The following TNKS variants were observed in gnomAD, a reference collection of about 807,000 sequenced individuals.
The protein encoded by TNKS is poly [ADP-ribose] polymerase tankyrase-1.
Under a neutral mutation model 135.8 loss-of-function variants are expected in TNKS, and 72 were observed. That is an observed-to-expected ratio of 0.53 (90% confidence interval 0.44 to 0.64). The LOEUF (loss-of-function observed/expected upper bound fraction) is 0.64. TNKS is among the 30% of genes least tolerant of loss of function. The pLI is 0.00. For synonymous variants in TNKS, 849 were observed against 649.3 expected (o/e 1.31, Z -4.68); for missense variants, 1,769 against 1,674.0 (o/e 1.06, Z -0.99).
chr8:9,629,133 G>C (rs1800182858), intron 3 of TNKS, among the ~76,000 whole-genome samples: 1 of 152,186 alleles, frequency 6.6e-6, no homozygotes, highest in East Asian at 1.9e-4. Flanking sequence ...TGACCTGTTT[G>C]TTTCTGGCCT....
At chr8:9,762,205 C>G (rs1272072664) in intron 21 of TNKS, among the ~76,000 whole-genome samples, 2 of 149,448 alleles carry the variant, frequency 1.3e-5, no homozygotes, top group Non-Finnish European at 3.0e-5. Flanking sequence ...TTACAAGCCT[C>G]TTTCCCCTCT....
rs565472539 is a variant in TNKS at position 9,772,419 on chromosome 8, A to G, written c.3897+2157A>G. 1.2e-4 allele frequency: 54 copies of G among 455,674 alleles called. No individual in the cohort carries two copies. The Middle Eastern group carries it at 2.9e-3, about 25-fold the overall frequency. The allele number at this position is 455,674 out of a possible 1,614,324, so 28.2% of individuals were successfully genotyped here. On this transcript the variant is annotated intron_variant, in intron 26 of 26. Coordinates refer to ENST00000310430, the MANE Select transcript of TNKS (RefSeq NM_003747.3). The stretch of plus-strand genomic sequence containing the variant: ...TCTGCAGCATTCCAGCCAAAAATAC[A>G]TGATGTAAGTCTAATCAAAATGAGG...
intron 2 of TNKS, among the ~76,000 whole-genome samples, chr8:9,589,664 A>G (rs774059171): frequency 6.6e-6 from 1 of 152,230 alleles, no homozygotes; most frequent in African/African-American, 2.4e-5. Context: ...CTCGGGCCTC[A>G]CCACTATACA....
At chr8:9,775,055 C>A (rs1238361745) in intron 26 of TNKS, among the ~76,000 whole-genome samples, 1 of 152,092 alleles carries the variant, frequency 6.6e-6, no homozygotes, top group Admixed American at 6.6e-5. Context: ...GTGGTAGATG[C>A]TCAATACACG....
chr8:9,761,040 A>G (rs185979309), intron 20 of TNKS, among the ~76,000 whole-genome samples: 5 of 152,286 alleles, frequency 3.3e-5, no homozygotes, highest in African/African-American at 1.2e-4. Context: ...AGCACTGAGA[A>G]GTTCTTCCTT....
At chr8:9,718,614 T>C (rs1804722038) in intron 11 of TNKS, among the ~76,000 whole-genome samples, 1 of 152,180 alleles carries the variant, frequency 6.6e-6, no homozygotes. Context: ...GTAAAGTCAT[T>C]TTTGCTGCTC....
Position 9,556,327 on chromosome 8 carries a change from T to C in TNKS, c.388T>C (p.Ser130Pro). The change falls in exon 1 of 27, where the codon TCG (serine) becomes CCG (proline). Residue 130 changes from serine to proline, a missense_variant. Physicochemically the swap from Ser to Pro is moderately conservative, Grantham distance 74. Coordinates refer to ENST00000310430, the MANE Select transcript of TNKS (RefSeq NM_003747.3). ...PAGSGSNNSP[S>P]SSSSPTSSSS... ...CGGCAGTGGCAGTAACAATTCACCG[T>C]CGTCCTCTTCTTCCCCGACTTCTTC... 1 of 1,614,238 alleles carries C rather than the reference T, an allele frequency of 6.2e-7. No individual in the cohort carries two copies. Among genetic ancestry groups the C allele is most frequent in the African/African-American group, 1.3e-5 (1 of 75,062 alleles).
At position 9,751,821 on chromosome 8, in the gene TNKS, G is replaced by A. The variant is rs13265931; in HGVS notation, c.3045G>A (p.Ala1015=). The A allele has an allele frequency of 0.17, 271,962 of 1,613,732 alleles. 24,225 individuals carry two copies. The highest frequency in any genetic ancestry group is 0.17 in the Non-Finnish European group (205,756 of 1,179,826). Residue 1015 remains alanine (A), a synonymous_variant, in exon 19 of 27, where the codon GCG becomes GCA. Transcript: ENST00000310430. Reference sequence around the variant, plus strand: ...CCTCCAATGCAGGGGATGGCGCCGCGGGAACAGAAAGGAAGGAAGGAGAAG... The same window carrying A: ...CCTCCAATGCAGGGGATGGCGCCGCAGGAACAGAAAGGAAGGAAGGAGAAG... ...GGASNAGDGA[A]GTERKEGEVA... is the part of the protein sequence containing the mutation.
At chr8:9,700,237 G>A (rs769384033) in intron 5 of TNKS, among the ~76,000 whole-genome samples, 1 of 152,042 alleles carries the variant, frequency 6.6e-6, no homozygotes, top group Non-Finnish European at 1.5e-5. Context: ...GTAGACTTCT[G>A]TTTCCTCATC....
chr8:9,740,618 T>C (rs1461811213), intron 17 of TNKS, among the ~76,000 whole-genome samples: 2 of 152,076 alleles, frequency 1.3e-5, no homozygotes, highest in Admixed American at 6.6e-5. Context: ...ATTTAATGAG[T>C]GTTAGTACTG....
At chr8:9,752,489 T>G in intron 19 of TNKS, 55 bp from the exon 20 acceptor site, 1 of 1,388,258 alleles carries the variant, frequency 7.2e-7, no homozygotes, top group Non-Finnish European at 1.0e-6. Context: ...ATACTGAAAT[T>G]TTCTTTATAT....
chr8:9,602,345 A>G (rs1240610937), intron 2 of TNKS, among the ~76,000 whole-genome samples: 1 of 152,210 alleles, frequency 6.6e-6, no homozygotes, highest in Non-Finnish European at 1.5e-5. Flanking sequence ...AAAGGGCCAA[A>G]GGACTGCACT....
chr8:9,701,521 A>G (rs904032532), intron 5 of TNKS, among the ~76,000 whole-genome samples: 5 of 152,236 alleles, frequency 3.3e-5, no homozygotes, highest in African/African-American at 1.2e-4. Flanking sequence ...ACTGCAATGA[A>G]AAGTCCAATT....
At chr8:9,613,834 ACAGT>A (rs1396789439) in intron 2 of TNKS, among the ~76,000 whole-genome samples, 5 of 152,238 alleles carry the variant, frequency 3.3e-5, no homozygotes, top group African/African-American at 7.2e-5. Context: ...CTTTGGAGAA[ACAGT>A]CAGACTTTCA....
chr8:9,706,496 G>A (rs1439514649), intron 7 of TNKS, among the ~76,000 whole-genome samples: 1 of 152,150 alleles, frequency 6.6e-6, no homozygotes, highest in African/African-American at 2.4e-5. Flanking sequence ...CCCAGTAGCT[G>A]GGATTACAGG....
rs569080657 is a variant in TNKS, at chr8:9,593,336, T to C, written c.898+12953T>C. Reference sequence around the variant, plus strand: ...AAAGTTGTTACTTTGCCACAGTCTGTAGAGCTGATAGAAAGTTGTTATAAT... The same window carrying C: ...AAAGTTGTTACTTTGCCACAGTCTGCAGAGCTGATAGAAAGTTGTTATAAT... On this transcript the variant is annotated intron_variant, in intron 2 of 26. Transcript: ENST00000310430. Among the ~76,000 whole-genome samples, 10 of 152,352 alleles carry C rather than the reference T, an allele frequency of 6.6e-5. No individual in the cohort carries two copies. In the South Asian group the frequency reaches 2.1e-3, roughly 32 times the overall value.
chr8:9,580,897 C>G (rs556096630), intron 2 of TNKS, among the ~76,000 whole-genome samples: 63 of 152,284 alleles, frequency 4.1e-4, no homozygotes, highest in African/African-American at 1.4e-3. Context: ...TTGGACTTTT[C>G]AATCATTTTA....
At chr8:9,656,154 C>T (rs1034987317) in intron 3 of TNKS, among the ~76,000 whole-genome samples, 7 of 151,830 alleles carry the variant, frequency 4.6e-5, no homozygotes, top group Admixed American at 3.3e-4. Flanking sequence ...CGATGGAAGC[C>T]AAAGTGAATG....
intron 5 of TNKS, among the ~76,000 whole-genome samples, chr8:9,685,602 A>G (rs552227967): frequency 2.2e-4 from 34 of 152,290 alleles, no homozygotes; most frequent in African/African-American, 8.2e-4. Context: ...CTTTGGATAA[A>G]ATAACCTATA....
Sources: gnomAD v4.1 joint callset for allele counts (sites outside exome capture counted in the v4.1 genomes callset) on GRCh38, gnomAD v4.1.1 for gene constraint, MANE v1.5 for transcripts, NCBI Gene and HGNC (gene_info 2026-07-23, HGNC 2026-07-21) for gene names.